The following NCKAP5 variants were observed in gnomAD, a reference collection of about 807,000 sequenced individuals.
NCKAP5 encodes the protein nck-associated protein 5.
NCKAP5 carries 92 observed loss-of-function variants against 167.0 expected under a neutral mutation model. The observed-to-expected ratio is 0.55, with a 90% CI of 0.47 to 0.66. NCKAP5 has a LOEUF of 0.66. Ranked by LOEUF, NCKAP5 falls within the 30% of genes least tolerant of loss-of-function variation. The pLI, the probability that NCKAP5 is intolerant of heterozygous loss-of-function variation, is 0.00. For missense variants in NCKAP5, 2,378 were observed against 2,315.0 expected, an observed-to-expected ratio of 1.03 and a Z score of -0.56; for synonymous variants, 891 against 877.4, an observed-to-expected ratio of 1.02 and a Z score of -0.27.
chr2:132,902,743 T>G (rs780587643), intron 8 of NCKAP5, among the ~76,000 whole-genome samples: 135 of 152,228 alleles, frequency 8.9e-4, no homozygotes, highest in Admixed American at 1.4e-3. Context: ...TGGTGGACAT[T>G]GATGGGGAAT....
chr2:132,822,981 A>C (rs1686866309), intron 11 of NCKAP5, among the ~76,000 whole-genome samples: 1 of 152,222 alleles, frequency 6.6e-6, no homozygotes, highest in Admixed American at 6.5e-5. Context: ...AAGGCTTTTG[A>C]ATTAACCCAA....
chr2:133,673,972 C>T, the NCKAP5 span, among the ~76,000 whole-genome samples: 7 of 152,310 alleles, frequency 4.6e-5, no homozygotes, highest in African/African-American at 1.4e-4. Context: ...CTCAGCCATA[C>T]TCCAACTTAG....
intron 8 of NCKAP5, among the ~76,000 whole-genome samples, chr2:132,919,862 C>G (rs745855372): frequency 3.3e-5 from 5 of 152,142 alleles, no homozygotes; most frequent in Non-Finnish European, 5.9e-5. Context: ...GTCTATTTTT[C>G]ACACAGCTCC....
chr2:133,189,527 A>C (rs2085111822), intron 5 of NCKAP5, among the ~76,000 whole-genome samples: 1 of 152,188 alleles, frequency 6.6e-6, no homozygotes, highest in Non-Finnish European at 1.5e-5. Flanking sequence ...TCGATTCAAA[A>C]ATCCTCAAGA....
intron 6 of NCKAP5, among the ~76,000 whole-genome samples, chr2:133,057,721 C>A (rs1444410904): frequency 1.3e-5 from 2 of 152,184 alleles, no homozygotes; most frequent in Non-Finnish European, 2.9e-5. Flanking sequence ...AGGTGAAGCA[C>A]CAAGTGCTTT....
At chr2:133,434,076 G>A (rs1192935082) in intron 3 of NCKAP5, among the ~76,000 whole-genome samples, 1 of 152,026 alleles carries the variant, frequency 6.6e-6, no homozygotes, top group East Asian at 1.9e-4. Flanking sequence ...CATTGTTCCA[G>A]ACACTCATTG....
intron 9 of NCKAP5, among the ~76,000 whole-genome samples, chr2:132,873,092 A>G (rs1690960424): frequency 6.6e-6 from 1 of 152,086 alleles, no homozygotes; most frequent in Non-Finnish European, 1.5e-5. Context: ...GCAGTTAAGA[A>G]AAAATTATTT....
At chr2:133,032,084 G>A (rs939568926) in intron 6 of NCKAP5, among the ~76,000 whole-genome samples, 1 of 152,076 alleles carries the variant, frequency 6.6e-6, no homozygotes, top group African/African-American at 2.4e-5. Flanking sequence ...CTTGAGAAAA[G>A]CAGAAGGAAA....
intron 4 of NCKAP5, among the ~76,000 whole-genome samples, chr2:133,293,819 A>G (rs1273813200): frequency 6.6e-6 from 1 of 152,154 alleles, no homozygotes; most frequent in Non-Finnish European, 1.5e-5. Context: ...TGCATCTCTG[A>G]AACAACTCCT....
intron 8 of NCKAP5, among the ~76,000 whole-genome samples, chr2:132,945,747 T>G (rs556650316): frequency 3.9e-5 from 6 of 152,358 alleles, no homozygotes; most frequent in African/African-American, 1.4e-4. Flanking sequence ...TACTTTTTAT[T>G]TAATCCATTT....
rs1224122908 is a variant in NCKAP5 at position 133,266,706 on chromosome 2, G to A, written c.143+36331C>T. On this transcript the variant is annotated intron_variant, in intron 4 of 19. Transcript: ENST00000409261. ...GCTCACCGCAGCCCGGGCACCTCGCGCTCCTCCGCTTTGTTGTGTTCCGCC... is the reference window on the plus strand; with the variant it reads ...GCTCACCGCAGCCCGGGCACCTCGCACTCCTCCGCTTTGTTGTGTTCCGCC... Among the ~76,000 whole-genome samples the A allele has an allele frequency of 7.5e-4, 114 of 152,266 alleles. 1 individual carries two copies. Among genetic ancestry groups the A allele is most frequent in the Non-Finnish European group, 5.9e-5 (4 of 68,002 alleles).
chr2:133,353,798 G>A (rs536843203), intron 3 of NCKAP5, among the ~76,000 whole-genome samples: 1 of 152,212 alleles, frequency 6.6e-6, no homozygotes, highest in South Asian at 2.1e-4. Context: ...TCAAACTCCT[G>A]GGGAAGATCA....
intron 9 of NCKAP5, among the ~76,000 whole-genome samples, chr2:132,876,562 T>C (rs1488044962): frequency 2.0e-5 from 3 of 152,256 alleles, no homozygotes; most frequent in Non-Finnish European, 4.4e-5. Context: ...AACTACCCCA[T>C]TGAGAGTGTT....
At chr2:132,931,439 G>C (rs1441991204) in intron 8 of NCKAP5, 1 of 152,228 alleles carries the variant, frequency 6.6e-6, no homozygotes, top group South Asian at 2.1e-4. Context: ...CTGTGATAGT[G>C]GGGGCTGCCC....
rs182473144 is a variant in NCKAP5, at chr2:133,297,526, T to A, written c.143+5511A>T. 4.1e-3 allele frequency among the ~76,000 whole-genome samples: 623 copies of A among 152,258 alleles called. 6 individuals carry two copies. Among genetic ancestry groups the A allele is most frequent in the African/African-American group, 0.014 (590 of 41,560 alleles). The stretch of plus-strand genomic sequence containing the variant: ...TCTCAAGAGTGTTATTGCAATATAT[T>A]TTTGTGTCACAGCAGATGGTTATGC... On this transcript the variant is annotated intron_variant, in intron 4 of 19. Coordinates refer to ENST00000409261, the MANE Select transcript of NCKAP5 (RefSeq NM_207363.3).
chr2:133,178,847 A>C (rs1048008467), intron 5 of NCKAP5, among the ~76,000 whole-genome samples: 21 of 150,968 alleles, frequency 1.4e-4, no homozygotes, highest in African/African-American at 3.9e-4. Context: ...AAAAAAAAAA[A>C]AAAAAACCCA....
At chr2:133,128,448 C>CA (rs1372481745) in intron 6 of NCKAP5, among the ~76,000 whole-genome samples, 1 of 152,174 alleles carries the variant, frequency 6.6e-6, no homozygotes, top group Admixed American at 6.5e-5. Flanking sequence ...GGGATTTTAA[C>CA]ATAATAGTTT....
At chr2:133,083,894 G>A (rs2080895449) in intron 6 of NCKAP5, among the ~76,000 whole-genome samples, 1 of 152,142 alleles carries the variant, frequency 6.6e-6, no homozygotes, top group Non-Finnish European at 1.5e-5. Flanking sequence ...GAGGAAGAAA[G>A]GCAGAAGAAC....
rs1208849484 is a variant in NCKAP5 at position 132,872,467 on chromosome 2, G to A, written c.649-3493C>T. Among the ~76,000 whole-genome samples, 6 of 152,334 alleles carry A rather than the reference G, an allele frequency of 3.9e-5. No individual in the cohort carries two copies. In the East Asian group the frequency reaches 7.7e-4, roughly 20 times the overall value. ...AGGGAGGAAAAGCTGGGGCTATGGA[G>A]TTCTCTATTATTTTATTGAAAAACA... On this transcript the variant is annotated intron_variant, in intron 9 of 19. Coordinates refer to ENST00000409261, the MANE Select transcript of NCKAP5 (RefSeq NM_207363.3).
Sources: gnomAD v4.1 joint callset for allele counts (sites outside exome capture counted in the v4.1 genomes callset) on GRCh38, gnomAD v4.1.1 for gene constraint, MANE v1.5 for transcripts, NCBI Gene and HGNC (gene_info 2026-07-23, HGNC 2026-07-21) for gene names.